NEGR1: variants seen among roughly 807,000 people sequenced by gnomAD.
NEGR1 encodes the protein neuronal growth regulator 1.
NEGR1 carries 10 observed loss-of-function variants against 40.9 expected under a neutral mutation model. The observed-to-expected ratio is 0.24, with a 90% confidence interval of 0.15 to 0.42. NEGR1 has a LOEUF of 0.42. Ranked by LOEUF, NEGR1 falls within the 10% of genes least tolerant of loss-of-function variation. The pLI is 1.00. For missense variants in NEGR1, 352 were observed against 438.9 expected, an observed-to-expected ratio of 0.80 and a Z score of 1.77; for synonymous variants, 185 against 166.8, an observed-to-expected ratio of 1.11 and a Z score of -0.84.
intron 4 of NEGR1, among the ~76,000 whole-genome samples, chr1:71,681,536 T>C (rs1481547173): frequency 6.6e-6 from 1 of 152,198 alleles, no homozygotes; most frequent in East Asian, 1.9e-4. Flanking sequence ...TGCTTTTTCT[T>C]TGGTTTGCTT....
intron 2 of NEGR1, among the ~76,000 whole-genome samples, chr1:71,821,361 G>A (rs1482797954): frequency 1.3e-5 from 2 of 152,150 alleles, no homozygotes; most frequent in East Asian, 3.9e-4. Context: ...GGGTCAGGCT[G>A]TCCAAAACTA....
chr1:71,492,245 A>G (rs1646934993), intron 6 of NEGR1, among the ~76,000 whole-genome samples: 1 of 152,132 alleles, frequency 6.6e-6, no homozygotes, highest in Non-Finnish European at 1.5e-5. Flanking sequence ...TTCAGGTATA[A>G]GAAAGAAGTA....
chr1:71,693,849 G>C (rs1421991850), intron 4 of NEGR1, among the ~76,000 whole-genome samples: 1 of 151,402 alleles, frequency 6.6e-6, no homozygotes, highest in African/African-American at 2.4e-5. Context: ...ATATTAAAGG[G>C]GTAGGTCTTC....
At chr1:71,560,512 G>A (rs1239443325) in intron 6 of NEGR1, among the ~76,000 whole-genome samples, 4 of 145,912 alleles carry the variant, frequency 2.7e-5, no homozygotes, top group Non-Finnish European at 4.5e-5. Flanking sequence ...CTATCAGATT[G>A]GGATACTAGA....
chr1:71,736,825 G>A (rs1411306354), intron 3 of NEGR1, among the ~76,000 whole-genome samples: 3 of 152,124 alleles, frequency 2.0e-5, no homozygotes, highest in South Asian at 4.1e-4. Flanking sequence ...TGCAGAAGGA[G>A]AAAAAATGTG....
intron 3 of NEGR1, among the ~76,000 whole-genome samples, chr1:71,772,519 A>G (rs1656365410): frequency 6.6e-6 from 1 of 152,208 alleles, no homozygotes; most frequent in Non-Finnish European, 1.5e-5. Flanking sequence ...AAATACATGC[A>G]ATACAGAGTT....
chr1:71,407,474 A>G lies in NEGR1; in HGVS notation c.1037T>C (p.Phe346Ser). The change falls in exon 7 of 7, where the codon TTC (phenylalanine) becomes TCC (serine). Residue 346 changes from phenylalanine to serine, a missense_variant. Phe to Ser is a radical substitution (Grantham distance 155, BLOSUM62 -2). This residue lies in a region of NEGR1 where 184 missense variants were observed against 208.7 expected (regional missense o/e 0.88). Transcript: ENST00000357731. ...TTGTAGAATGGCATTCTTCAGGTAG[A>G]ATATGCTGGTGAAAGAGGACAGTGT... ...VLTLSSFTSI[F>S]YLKNAILQ 1 of 1,612,388 alleles carries G rather than the reference A, an allele frequency of 6.2e-7. No individual in the cohort carries two copies. The highest frequency in any genetic ancestry group is 8.5e-7 in the Non-Finnish European group (1 of 1,178,636).
intron 6 of NEGR1, among the ~76,000 whole-genome samples, chr1:71,580,812 GT>G (rs1649111583): frequency 6.6e-6 from 1 of 152,046 alleles, no homozygotes; most frequent in Admixed American, 6.6e-5. Flanking sequence ...GATAAGTGAG[GT>G]TATGTAATTT....
chr1:71,442,014 T>G (rs993776593), intron 6 of NEGR1, among the ~76,000 whole-genome samples: 5 of 152,310 alleles, frequency 3.3e-5, no homozygotes, highest in Middle Eastern at 6.8e-3. Context: ...AATAGGTGAA[T>G]GTACTTTGTA....
chr1:71,844,082 G>A (rs1344542797), intron 2 of NEGR1, among the ~76,000 whole-genome samples: 2 of 152,106 alleles, frequency 1.3e-5, no homozygotes, highest in Non-Finnish European at 2.9e-5. Flanking sequence ...CCTTACCAGA[G>A]GGAATAAAAT....
intron 6 of NEGR1, among the ~76,000 whole-genome samples, chr1:71,428,963 G>T (rs1421916761): frequency 6.6e-6 from 1 of 152,028 alleles, no homozygotes; most frequent in Non-Finnish European, 1.5e-5. Context: ...AGGAAGAAAA[G>T]AATACTTTAA....
chr1:71,854,064 A>T (rs1456367626), intron 2 of NEGR1, among the ~76,000 whole-genome samples: 1 of 152,150 alleles, frequency 6.6e-6, no homozygotes, highest in African/African-American at 2.4e-5. Flanking sequence ...ATGTTGCATT[A>T]AAAAAGTTAA....
chr1:71,914,934 CT>C (rs1661528307), intron 2 of NEGR1, among the ~76,000 whole-genome samples: 1 of 151,990 alleles, frequency 6.6e-6, no homozygotes, highest in Non-Finnish European at 1.5e-5. Context: ...TTTCTTTGCT[CT>C]TGTGTTCTTA....
At chr1:71,850,867 G>C (rs1405659899) in intron 2 of NEGR1, among the ~76,000 whole-genome samples, 1 of 152,080 alleles carries the variant, frequency 6.6e-6, no homozygotes, top group African/African-American at 2.4e-5. Flanking sequence ...TTAAAAAGAA[G>C]CCCAATCCTG....
At chr1:71,647,456 T>G (rs1343759980) in intron 4 of NEGR1, among the ~76,000 whole-genome samples, 2 of 151,934 alleles carry the variant, frequency 1.3e-5, no homozygotes, top group Non-Finnish European at 2.9e-5. Flanking sequence ...ATTCATATTA[T>G]TATTGGTGAA....
chr1:71,833,692 TG>T (rs1178784530), intron 2 of NEGR1, among the ~76,000 whole-genome samples: 3 of 152,026 alleles, frequency 2.0e-5, no homozygotes, highest in African/African-American at 7.2e-5. Flanking sequence ...GACCTGATGT[TG>T]CAAACCAGCT....
In NEGR1 at chr1:72,209,608, T is replaced by C. The variant is rs551061058; in HGVS notation, c.176+72711A>G. Among the ~76,000 whole-genome samples the C allele has an allele frequency of 4.8e-4, 73 of 152,012 alleles. 1 individual carries two copies. The highest frequency in any genetic ancestry group is 9.2e-4 in the Admixed American group (14 of 15,204). ...ATTTTCTAAATTTCGACAATTTTTA[T>C]TTTTGTACTACCGATATGACATTTC... On this transcript the variant is annotated intron_variant, in intron 1 of 6. Transcript: ENST00000357731.
chr1:71,395,970 A>G lies in NEGR1; in HGVS notation c.*11476T>C, dbSNP rs1438124489. On this transcript the variant is annotated 3_prime_UTR_variant, in exon 7 of 7. Transcript: ENST00000357731. Reference sequence around the variant, plus strand: ...TAGGATAACAGCCTTTATTCATATCACTAATTGTAATATGTACTAATTGTA... The same window carrying G: ...TAGGATAACAGCCTTTATTCATATCGCTAATTGTAATATGTACTAATTGTA... The G allele has an allele frequency of 6.6e-6, 1 of 152,192 alleles. No individual in the cohort carries two copies. Among genetic ancestry groups the G allele is most frequent in the African/African-American group, 2.4e-5 (1 of 41,466 alleles). The allele number at this position is 152,192 out of a possible 1,614,324, so 9.4% of individuals were successfully genotyped here. A position where few individuals can be genotyped will look rare whatever the true frequency, so the allele number is the denominator to read the frequency against.
intron 1 of NEGR1, among the ~76,000 whole-genome samples, chr1:72,059,712 A>G (rs1647148703): frequency 6.6e-6 from 1 of 151,630 alleles, no homozygotes; most frequent in Middle Eastern, 3.2e-3. Flanking sequence ...ATTAGGCATA[A>G]TTCTCAGCTT....
Sources: allele counts gnomAD v4.1 joint callset (sites outside exome capture counted in the v4.1 genomes callset), GRCh38; gene constraint gnomAD v4.1.1; regional missense constraint gnomAD v4.1.1; transcripts MANE v1.5; gene names NCBI Gene and HGNC (gene_info 2026-07-23, HGNC 2026-07-21).